Variants in CNTNAP5 observed in about 807,000 individuals in gnomAD.
CNTNAP5 encodes the protein contactin associated protein family member 5.
A neutral mutation model predicts 150.2 loss-of-function variants in CNTNAP5; 72 were observed. The observed-to-expected ratio is 0.48, with a 90% CI of 0.40 to 0.58. CNTNAP5 has a LOEUF of 0.58. Ranked by LOEUF, CNTNAP5 falls within the 20% of genes least tolerant of loss-of-function variation. The probability of loss-of-function intolerance (pLI) is 0.00; values close to 1 mark genes in which losing one functional copy is unlikely to be tolerated. For synonymous variants in CNTNAP5, 672 were observed against 619.8 expected (o/e 1.08, Z -1.25); for missense variants, 1,636 against 1,626.2 (o/e 1.01, Z -0.10).
At chr2:124,601,428 C>G (rs545941463) in intron 11 of CNTNAP5, among the ~76,000 whole-genome samples, 1 of 152,210 alleles carries the variant, frequency 6.6e-6, no homozygotes, top group South Asian at 2.1e-4. Flanking sequence ...TTACAAATAC[C>G]AAGTAGTATT....
intron 3 of CNTNAP5, among the ~76,000 whole-genome samples, chr2:124,396,617 T>C (rs12995299): frequency 0.53 from 80,907 of 152,038 alleles, 22,936 homozygotes; most frequent in South Asian, 0.67. Flanking sequence ...TTAAATACAG[T>C]GTCAGAGTCT....
At chr2:124,190,150 G>A (rs1685426004) in intron 1 of CNTNAP5, among the ~76,000 whole-genome samples, 1 of 152,136 alleles carries the variant, frequency 6.6e-6, no homozygotes, top group African/African-American at 2.4e-5. Context: ...GTACTCTTAA[G>A]GGTGAGCTTC....
chr2:124,884,314 T>C (rs1678035187), intron 21 of CNTNAP5, among the ~76,000 whole-genome samples: 1 of 152,082 alleles, frequency 6.6e-6, no homozygotes, highest in Non-Finnish European at 1.5e-5. Flanking sequence ...TGTTTGTATG[T>C]GTATGTGCAT....
intron 21 of CNTNAP5, among the ~76,000 whole-genome samples, chr2:124,896,959 T>C (rs923513744): frequency 6.6e-6 from 1 of 151,642 alleles, no homozygotes; most frequent in Non-Finnish European, 1.5e-5. Context: ...GCACTACTTC[T>C]CTCTTTACTT....
intron 17 of CNTNAP5, among the ~76,000 whole-genome samples, chr2:124,786,019 C>G (rs1021439540): frequency 6.6e-6 from 1 of 151,896 alleles, no homozygotes; most frequent in Non-Finnish European, 1.5e-5. Flanking sequence ...GAGGATTGCT[C>G]GAGCTCAGCG....
intron 7 of CNTNAP5, among the ~76,000 whole-genome samples, chr2:124,486,480 T>A (rs939172524): frequency 6.6e-6 from 1 of 152,148 alleles, no homozygotes; most frequent in Non-Finnish European, 1.5e-5. Flanking sequence ...AAAAACAAAA[T>A]GCAGGGCAAA....
chr2:124,029,184 A>G (rs932612891), intron 1 of CNTNAP5, among the ~76,000 whole-genome samples: 5 of 152,110 alleles, frequency 3.3e-5, no homozygotes, highest in Non-Finnish European at 5.9e-5. Context: ...TAGAATTTCA[A>G]CTAAGATATA....
chr2:124,538,660 A>G (rs1293649969), intron 10 of CNTNAP5, among the ~76,000 whole-genome samples: 2 of 152,142 alleles, frequency 1.3e-5, no homozygotes, highest in African/African-American at 2.4e-5. Context: ...AAAAGAAGGA[A>G]GGAAAGAAAG....
chr2:124,545,592 G>C (rs1237083401), intron 10 of CNTNAP5, among the ~76,000 whole-genome samples: 1 of 152,096 alleles, frequency 6.6e-6, no homozygotes, highest in Non-Finnish European at 1.5e-5. Context: ...CAGTTTGCTT[G>C]CATGAGTCAT....
chr2:124,580,191 G>A (rs1239591210), intron 11 of CNTNAP5, among the ~76,000 whole-genome samples: 2 of 152,210 alleles, frequency 1.3e-5, no homozygotes, highest in African/African-American at 4.8e-5. Context: ...AATGACTAAA[G>A]TTCTGGTCAG....
At chr2:124,775,698 T>C in intron 17 of CNTNAP5, among the ~76,000 whole-genome samples, 1 of 152,188 alleles carries the variant, frequency 6.6e-6, no homozygotes, top group Admixed American at 6.6e-5. Context: ...CAGGCTGTTA[T>C]ATCACCATGA....
rs138356910 is a variant in CNTNAP5, at chr2:124,526,186, C to G, written c.1478-1099C>G. Among the ~76,000 whole-genome samples the G allele has an allele frequency of 2.6e-4, 40 of 152,168 alleles. No individual in the cohort carries two copies. The East Asian group carries it at 7.2e-3, about 27-fold the overall frequency. ...TTCTTAGAGGCAAGTTTTAAGGGAC[C>G]CTGGGTTTAGAAGGTGAAGATGTAT... On this transcript the variant is annotated intron_variant, in intron 9 of 23. Coordinates refer to ENST00000682447, the MANE Select transcript of CNTNAP5 (RefSeq NM_001367498.1).
rs558288251 is a variant in CNTNAP5 at position 124,737,317 on chromosome 2, T to C, written c.2078-9912T>C. Among the ~76,000 whole-genome samples, 4 of 149,806 alleles carry C rather than the reference T, an allele frequency of 2.7e-5. No individual in the cohort carries two copies. In the South Asian group the frequency reaches 8.4e-4, roughly 31 times the overall value. The stretch of plus-strand genomic sequence containing the variant: ...AAAAAAAAAAAAAAATTGGGAACGA[T>C]AGCGTGATGTTGGAGTGCTTTGGAT... On this transcript the variant is annotated intron_variant, in intron 13 of 23. Transcript: ENST00000682447.
chr2:124,382,309 T>C (rs1284151231), intron 3 of CNTNAP5, among the ~76,000 whole-genome samples: 1 of 152,080 alleles, frequency 6.6e-6, no homozygotes, highest in East Asian at 1.9e-4. Flanking sequence ...GTAGTTCTAG[T>C]CTGTTTCTGT....
At chr2:124,623,453 A>G (rs967269248) in intron 12 of CNTNAP5, among the ~76,000 whole-genome samples, 7 of 152,250 alleles carry the variant, frequency 4.6e-5, no homozygotes, top group African/African-American at 1.7e-4. Flanking sequence ...AACAGTGCCC[A>G]TAATCACTAC....
At chr2:124,756,060 C>T (rs1014224868) in intron 14 of CNTNAP5, among the ~76,000 whole-genome samples, 1 of 152,134 alleles carries the variant, frequency 6.6e-6, no homozygotes, top group African/African-American at 2.4e-5. Flanking sequence ...GGCATGGAGT[C>T]AGAGCTCAAA....
intron 3 of CNTNAP5, among the ~76,000 whole-genome samples, chr2:124,347,676 T>C (rs1689773777): frequency 6.6e-6 from 1 of 152,218 alleles, no homozygotes; most frequent in Non-Finnish European, 1.5e-5. Context: ...AATATGACAC[T>C]TTAGCAGCTA....
At chr2:124,268,798 A>G (rs539102880) in intron 3 of CNTNAP5, among the ~76,000 whole-genome samples, 1 of 152,160 alleles carries the variant, frequency 6.6e-6, no homozygotes, top group East Asian at 1.9e-4. Context: ...GGCCTGGCCT[A>G]TTTTCACTGG....
At chr2:124,554,718 A>G (rs1695711900) in intron 10 of CNTNAP5, among the ~76,000 whole-genome samples, 1 of 152,116 alleles carries the variant, frequency 6.6e-6, no homozygotes, top group Non-Finnish European at 1.5e-5. Context: ...CACTGAGCTC[A>G]GCCTTACACA....
Sources: gnomAD v4.1 joint callset for allele counts (sites outside exome capture counted in the v4.1 genomes callset) on GRCh38, gnomAD v4.1.1 for gene constraint, MANE v1.5 for transcripts, NCBI Gene and HGNC (gene_info 2026-07-23, HGNC 2026-07-21) for gene names.